CEP63: variants seen among roughly 807,000 people sequenced by gnomAD.
The protein encoded by CEP63 is centrosomal protein of 63 kDa.
A neutral mutation model predicts 89.1 loss-of-function variants in CEP63; 84 were observed. That is an observed-to-expected ratio of 0.94 (90% CI 0.79 to 1.13). CEP63 has a LOEUF of 1.13. Ranked by LOEUF, CEP63 falls within the 50% of genes most tolerant of loss-of-function variation. The pLI is 0.00. For synonymous variants in CEP63, 267 were observed against 272.5 expected (o/e 0.98, Z 0.20); for missense variants, 838 against 813.3 (o/e 1.03, Z -0.37).
At chr3:134,711,504 C>T in the CEP63 span, among the ~76,000 whole-genome samples, 1 of 152,148 alleles carries the variant, frequency 6.6e-6, no homozygotes, top group Non-Finnish European at 1.5e-5. Context: ...ATTTATTCCA[C>T]TTTCTTAGGT....
chr3:134,578,486 A>G (rs780021440), downstream of CEP63, among the ~76,000 whole-genome samples: 22 of 152,020 alleles, frequency 1.4e-4, no homozygotes, highest in Non-Finnish European at 2.6e-4. Context: ...ATGCACCACC[A>G]TGCCTGGCTA....
chr3:134,500,598 C>T (rs1220612959), intron 2 of CEP63, among the ~76,000 whole-genome samples: 1 of 152,178 alleles, frequency 6.6e-6, no homozygotes, highest in Non-Finnish European at 1.5e-5. Context: ...TCACCAACAT[C>T]TGTTATTTTT....
At chr3:134,711,332 A>G in the CEP63 span, among the ~76,000 whole-genome samples, 2 of 152,052 alleles carry the variant, frequency 1.3e-5, no homozygotes, top group South Asian at 2.1e-4. Flanking sequence ...TCTCCTTCCT[A>G]ATGTGGCAGG....
the CEP63 span, among the ~76,000 whole-genome samples, chr3:134,644,152 C>CAGG: frequency 0.016 from 2,397 of 152,316 alleles, 18 homozygotes; most frequent in Middle Eastern, 0.024. Context: ...ATGAGAAGAA[C>CAGG]AGGGGGCCAG....
the CEP63 span, among the ~76,000 whole-genome samples, chr3:134,644,761 T>C: frequency 6.6e-6 from 1 of 152,122 alleles, no homozygotes; most frequent in East Asian, 1.9e-4. Context: ...GGGGGTGAGG[T>C]ACTGAGCCAG....
intron 2 of CEP63, among the ~76,000 whole-genome samples, chr3:134,498,506 C>T (rs2108161230): frequency 6.6e-6 from 1 of 152,230 alleles, no homozygotes; most frequent in African/African-American, 2.4e-5. Flanking sequence ...ACACAAAGAG[C>T]AACAATTTGA....
chr3:134,727,458 G>A, the CEP63 span, among the ~76,000 whole-genome samples: 2 of 152,116 alleles, frequency 1.3e-5, no homozygotes, highest in African/African-American at 4.8e-5. Flanking sequence ...CAAGGCCTTG[G>A]TTATTCATTT....
the CEP63 span, chr3:134,610,358 C>T: frequency 6.8e-6 from 11 of 1,612,782 alleles, no homozygotes; most frequent in East Asian, 2.2e-5. Flanking sequence ...TAGCCAGGCA[C>T]GGTCATACAC....
At chr3:134,661,637 C>T in the CEP63 span, among the ~76,000 whole-genome samples, 21 of 152,070 alleles carry the variant, frequency 1.4e-4, no homozygotes, top group African/African-American at 5.1e-4. Context: ...AATTGAAATG[C>T]TTGGCACTCT....
At chr3:134,505,304 G>A (rs1943171808) in intron 2 of CEP63, among the ~76,000 whole-genome samples, 1 of 152,024 alleles carries the variant, frequency 6.6e-6, no homozygotes, top group African/African-American at 2.4e-5. Flanking sequence ...TATAGTGTTG[G>A]TTGGGTAGGG....
chr3:134,760,995 A>T, the CEP63 span, among the ~76,000 whole-genome samples: 1 of 151,852 alleles, frequency 6.6e-6, no homozygotes, highest in African/African-American at 2.4e-5. Context: ...TGACTAAAAC[A>T]TGTTGCTCAA....
the CEP63 span, chr3:134,650,888 C>A: frequency 6.2e-7 from 1 of 1,612,922 alleles, no homozygotes; most frequent in Admixed American, 1.7e-5. Context: ...CCCTGTGCGG[C>A]GCGCCGCTTC....
intron 2 of CEP63, among the ~76,000 whole-genome samples, chr3:134,499,820 C>CTTTTTTTTTTTTT (rs747946881): frequency 1.0e-5 from 1 of 99,128 alleles, no homozygotes; most frequent in Non-Finnish European, 1.9e-5. Flanking sequence ...CCATCTTCAT[C>CTTTTTTTTTTTTT]TTTTTTTTTT....
chr3:134,688,253 A>C, the CEP63 span, among the ~76,000 whole-genome samples: 2 of 152,250 alleles, frequency 1.3e-5, no homozygotes, highest in Non-Finnish European at 2.9e-5. Context: ...TGAAGTATGG[A>C]TCAACATACT....
chr3:134,760,058 CTTTT>C, the CEP63 span, among the ~76,000 whole-genome samples: 1 of 131,170 alleles, frequency 7.6e-6, no homozygotes. Context: ...AGAGCACTTT[CTTTT>C]TTTTTTTTTT....
At chr3:134,752,872 CT>C in the CEP63 span, among the ~76,000 whole-genome samples, 3 of 152,272 alleles carry the variant, frequency 2.0e-5, no homozygotes, top group African/African-American at 7.2e-5. Flanking sequence ...CCTCCTCCCC[CT>C]GCTTCAGCTT....
the CEP63 span, among the ~76,000 whole-genome samples, chr3:134,596,947 G>A: frequency 1.4e-3 from 206 of 152,298 alleles, 2 homozygotes; most frequent in Middle Eastern, 3.4e-3. Flanking sequence ...GGCCAGGCAG[G>A]GCTTCCTCAG....
the CEP63 span, among the ~76,000 whole-genome samples, chr3:134,742,940 T>G: frequency 6.6e-6 from 1 of 152,218 alleles, no homozygotes; most frequent in Non-Finnish European, 1.5e-5. Flanking sequence ...CAGCACAAAG[T>G]GGACTAAGAC....
At chr3:134,708,694 G>A in the CEP63 span, among the ~76,000 whole-genome samples, 1 of 152,192 alleles carries the variant, frequency 6.6e-6, no homozygotes, top group East Asian at 1.9e-4. Context: ...TAACAAGAGA[G>A]GATATGGGGA....
Sources: allele counts gnomAD v4.1 joint callset (sites outside exome capture counted in the v4.1 genomes callset), GRCh38; gene constraint gnomAD v4.1.1; transcripts MANE v1.5; gene names NCBI Gene and HGNC (gene_info 2026-07-23, HGNC 2026-07-21).